Variants in RBFOX1 observed in about 807,000 individuals in gnomAD.
RBFOX1 encodes the protein RNA binding fox-1 homolog 1.
In RBFOX1, 8 loss-of-function variants were observed where a neutral mutation model predicts 57.7. The ratio of observed to expected loss-of-function variants is 0.14; its 90% CI spans 0.08 to 0.25. The LOEUF is 0.25. RBFOX1 is among the 10% of genes least tolerant of loss of function. The pLI, the probability that RBFOX1 is intolerant of heterozygous loss-of-function variation, is 1.00. For missense variants in RBFOX1, 611 were observed against 548.5 expected (o/e 1.11, Z -1.14); for synonymous variants, 326 against 222.4 (o/e 1.47, Z -4.15).
rs144326396 is a variant in RBFOX1, at chr16:6,192,960, G to C, written c.-126-124035G>C. Among the ~76,000 whole-genome samples the C allele has an allele frequency of 2.1e-3, 322 of 152,268 alleles. 6 individuals carry two copies. The East Asian group carries it at 0.025, about 12-fold the overall frequency. On this transcript the variant is annotated intron_variant, in intron 1 of 15. Transcript: ENST00000550418. The stretch of plus-strand genomic sequence containing the variant: ...AAATTCAATTAAATGTCCCAACTCA[G>C]TGTGTTGGAACTGGTAGCCTGAAAA...
chr16:5,931,130 A>G (rs565105482), intron 4 of RBFOX1, among the ~76,000 whole-genome samples: 2 of 152,258 alleles, frequency 1.3e-5, no homozygotes, highest in South Asian at 4.2e-4. Context: ...CTCTGCACGT[A>G]GGGCTATTCT....
chr16:5,746,402 G>A (rs146780496), intron 3 of RBFOX1, among the ~76,000 whole-genome samples: 3,329 of 152,290 alleles, frequency 0.022, 110 homozygotes, highest in African/African-American at 0.075. Flanking sequence ...TTTTGGTTTA[G>A]GATTGTCTTG....
chr16:5,802,320 G>A (rs1397133107), intron 3 of RBFOX1, among the ~76,000 whole-genome samples: 1 of 152,056 alleles, frequency 6.6e-6, no homozygotes, highest in African/African-American at 2.4e-5. Context: ...TTGCAGCCAG[G>A]GAACCAACTT....
chr16:6,367,209 CATT>C (rs1228421135), intron 2 of RBFOX1, among the ~76,000 whole-genome samples: 1 of 152,116 alleles, frequency 6.6e-6, no homozygotes, highest in African/African-American at 2.4e-5. Flanking sequence ...GTAAGCTGGA[CATT>C]ATGTCACTGT....
chr16:7,295,006 G>C (rs2095862922), intron 4 of RBFOX1, among the ~76,000 whole-genome samples: 1 of 152,098 alleles, frequency 6.6e-6, no homozygotes, highest in Non-Finnish European at 1.5e-5. Flanking sequence ...ATTTTGTGAA[G>C]ATCAGAAAAA....
chr16:6,861,823 G>GTTTTTTTTTTTTTTTTT (rs35138717), intron 3 of RBFOX1, among the ~76,000 whole-genome samples: 54 of 92,456 alleles, frequency 5.8e-4, no homozygotes, highest in African/African-American at 1.6e-3. Flanking sequence ...GCGTCCCTTG[G>GTTTTTTTTTTTTTTTTT]TTTTTTTTTT....
intron 3 of RBFOX1, among the ~76,000 whole-genome samples, chr16:7,018,964 T>A (rs1470830677): frequency 1.3e-5 from 2 of 151,230 alleles, no homozygotes; most frequent in Non-Finnish European, 2.9e-5. Flanking sequence ...ACAAAAAAAT[T>A]AAAAAGCAAT....
intron 1 of RBFOX1, among the ~76,000 whole-genome samples, chr16:6,211,558 G>A (rs796065708): frequency 9.9e-5 from 15 of 152,248 alleles, no homozygotes; most frequent in African/African-American, 3.4e-4. Flanking sequence ...TTCTACATGT[G>A]TTAGAATGGT....
intron 5 of RBFOX1, among the ~76,000 whole-genome samples, chr16:7,532,154 A>T (rs1028438446): frequency 4.0e-5 from 6 of 149,278 alleles, no homozygotes; most frequent in African/African-American, 1.5e-4. Context: ...TTTCACTAAG[A>T]AAAGCAACGG....
intron 1 of RBFOX1, among the ~76,000 whole-genome samples, chr16:5,436,271 A>C (rs2067915582): frequency 6.6e-6 from 1 of 152,198 alleles, no homozygotes; most frequent in African/African-American, 2.4e-5. Context: ...TGACAACGAC[A>C]AATAAACCAT....
At chr16:7,279,159 G>A (rs750320092) in intron 4 of RBFOX1, among the ~76,000 whole-genome samples, 9 of 144,718 alleles carry the variant, frequency 6.2e-5, no homozygotes, top group Non-Finnish European at 1.1e-4. Flanking sequence ...ATGGATCTTT[G>A]GCCATGGGGG....
Position 7,675,823 on chromosome 16 carries a change from C to T in RBFOX1, c.931-951C>T, listed in dbSNP as rs962350950. ...ATGGGACTGTGTGTTCTAATTAGAA[C>T]CTGAATGGTCCTGTGTTATCAGCGG... On this transcript the variant is annotated intron_variant, in intron 13 of 15. Coordinates refer to ENST00000550418, the MANE Select transcript of RBFOX1 (RefSeq NM_018723.4). Among the ~76,000 whole-genome samples the T allele has an allele frequency of 3.3e-5, 5 of 152,098 alleles. No homozygotes were observed. In the East Asian group the frequency reaches 5.8e-4, roughly 18 times the overall value.
chr16:7,268,868 C>G (rs1228696651), intron 4 of RBFOX1, among the ~76,000 whole-genome samples: 1 of 151,690 alleles, frequency 6.6e-6, no homozygotes, highest in East Asian at 1.9e-4. Context: ...GAAACCCCAT[C>G]TCTACTAAAA....
intron 3 of RBFOX1, among the ~76,000 whole-genome samples, chr16:6,717,533 A>C (rs1448048886): frequency 1.3e-5 from 2 of 152,106 alleles, no homozygotes; most frequent in East Asian, 1.9e-4. Flanking sequence ...AAAATTGTGC[A>C]TAGTCAACCT....
chr16:5,448,262 G>A (rs1459311197), intron 1 of RBFOX1, among the ~76,000 whole-genome samples: 1 of 152,086 alleles, frequency 6.6e-6, no homozygotes, highest in Non-Finnish European at 1.5e-5. Flanking sequence ...CCCACGTATG[G>A]GGTTGTCAAA....
intron 2 of RBFOX1, among the ~76,000 whole-genome samples, chr16:6,557,259 A>T (rs991443674): frequency 6.6e-6 from 1 of 151,468 alleles, no homozygotes; most frequent in African/African-American, 2.4e-5. Flanking sequence ...TTTTCGGGTG[A>T]TGCATGACAC....
chr16:7,088,164 T>C (rs904731764), intron 4 of RBFOX1, among the ~76,000 whole-genome samples: 2 of 152,224 alleles, frequency 1.3e-5, no homozygotes, highest in African/African-American at 4.8e-5. Context: ...GATGTACGGT[T>C]TTCTGTTTTT....
intron 11 of RBFOX1, among the ~76,000 whole-genome samples, chr16:7,638,890 G>T (rs994951307): frequency 6.6e-6 from 1 of 152,114 alleles, no homozygotes; most frequent in Non-Finnish European, 1.5e-5. Flanking sequence ...GAACATGGTG[G>T]CTGGCTGCTT....
chr16:5,703,499 C>G (rs2051127672), intron 3 of RBFOX1, among the ~76,000 whole-genome samples: 1 of 152,268 alleles, frequency 6.6e-6, no homozygotes, highest in African/African-American at 2.4e-5. Flanking sequence ...ACAGAGCATC[C>G]TCGTATATTC....
Sources: allele counts gnomAD v4.1 joint callset (sites outside exome capture counted in the v4.1 genomes callset), GRCh38; gene constraint gnomAD v4.1.1; transcripts MANE v1.5; gene names NCBI Gene and HGNC (gene_info 2026-07-23, HGNC 2026-07-21).